ITGAX: variants seen among roughly 807,000 people sequenced by gnomAD.
ITGAX encodes integrin alpha-X.
ITGAX carries 99 observed loss-of-function variants against 140.2 expected under a neutral mutation model. The observed-to-expected ratio is 0.71, with a 90% CI of 0.60 to 0.83. The LOEUF is 0.83. ITGAX is among the 40% of genes least tolerant of loss of function. ITGAX has a pLI of 0.00. For synonymous variants in ITGAX, 631 were observed against 600.4 expected (o/e 1.05, Z -0.75); for missense variants, 1,444 against 1,482.0 (o/e 0.97, Z 0.42).
In ITGAX at chr16:31,357,268, G is replaced by A. The variant is rs760133637; in HGVS notation, c.334G>A (p.Val112Met). Reference protein sequence around the residue: ...PSQLLACGPTVHHECGRNMYL... With the variant: ...PSQLLACGPTMHHECGRNMYL... ...GTGTCCCCAGGCCTGCGGCCCCACC[G>A]TGCACCACGAGTGCGGGAGGAACAT... Residue 112 changes from valine (V) to methionine (M), a missense_variant, in exon 5 of 30, where the codon GTG becomes ATG. Physicochemically the swap from Val to Met is conservative, Grantham distance 21. Transcript: ENST00000268296. 13 of 1,605,832 alleles carry A rather than the reference G, an allele frequency of 8.1e-6. No homozygotes were observed. In the South Asian group the frequency reaches 1.3e-4, roughly 17 times the overall value.
chr16:31,361,500 C>T (rs1041883969), intron 9 of ITGAX: 12 of 674,008 alleles, frequency 1.8e-5, no homozygotes, highest in African/African-American at 1.6e-4. Context: ...CCAGGAGACC[C>T]TTCCACCCAC....
At position 31,371,467 on chromosome 16, in the gene ITGAX, GACAAACGTTCTAAGA is replaced by G; in HGVS notation, c.1978_1992del (p.Lys660_Asn664del). The G allele has an allele frequency of 1.9e-6, 3 of 1,614,096 alleles. No individual in the cohort carries two copies. Among genetic ancestry groups the G allele is most frequent in the Non-Finnish European group, 2.5e-6 (3 of 1,180,000 alleles). Reference sequence around the variant, plus strand: ...ACAGTCCAACATCTGCCTTTACATTGACAAACGTTCTAAGAACCTGCTTGGGAGCCGTGAGTCCCC... The same window carrying G: ...ACAGTCCAACATCTGCCTTTACATTGACCTGCTTGGGAGCCGTGAGTCCCC... On this transcript the variant is annotated inframe_deletion, in exon 16 of 30. Transcript: ENST00000268296.
chr16:31,377,199 G>A lies in ITGAX; in HGVS notation c.2723G>A (p.Arg908Lys), dbSNP rs781336756. Reference sequence around the variant, plus strand: ...TTCTCCAGTGAGAACAACACTCCCAGGACCAGCAAGACCACCTTCCAGCTG... The same window carrying A: ...TTCTCCAGTGAGAACAACACTCCCAAGACCAGCAAGACCACCTTCCAGCTG... ...ANVSSENNTPRTSKTTFQLEL... is the reference protein window; with the variant it reads ...ANVSSENNTPKTSKTTFQLEL... The change falls in exon 23 of 30, where the codon AGG (arginine) becomes AAG (lysine). Residue 908 changes from arginine (R) to lysine (K), a missense_variant. By Grantham distance (26) the Arg-to-Lys change is conservative. Transcript: ENST00000268296. 1 of 1,613,972 alleles carries A rather than the reference G, an allele frequency of 6.2e-7. No individual in the cohort carries two copies.
chr16:31,382,239 T>TTTTTTG lies in ITGAX; in HGVS notation c.*336_*337insTGTTTT. 1 of 1,175,558 alleles carries TTTTTTG rather than the reference T, an allele frequency of 8.5e-7. No homozygotes were observed. Among genetic ancestry groups the TTTTTTG allele is most frequent in the Non-Finnish European group, 1.1e-6 (1 of 921,536 alleles). The allele number at this position is 1,175,558 out of a possible 1,614,324, so 72.8% of individuals were successfully genotyped here. On this transcript the variant is annotated 3_prime_UTR_variant, in exon 30 of 30. Transcript: ENST00000268296. Reference sequence around the variant, plus strand: ...TCTTTCTTTCCTTTCTTTTTTTTTTTTTTTCTTTTCTTTTTTTTTTTTTTG... The same window carrying TTTTTTG: ...TCTTTCTTTCCTTTCTTTTTTTTTTTTTTTTGTTTTCTTTTCTTTTTTTTTTTTTTG...
intron 28 of ITGAX, 27 bp downstream of exon 28, chr16:31,380,651 C>A: frequency 6.2e-7 from 1 of 1,613,390 alleles, no homozygotes; most frequent in Non-Finnish European, 8.5e-7. Flanking sequence ...GGGCAGCGAC[C>A]AGGCTGGAAA....
chr16:31,361,628 A>G (rs955604309), intron 9 of ITGAX: 1 of 730,032 alleles, frequency 1.4e-6, no homozygotes, highest in Non-Finnish European at 2.4e-6. Flanking sequence ...GATGAGGACC[A>G]GATCGGTGCT....
chr16:31,364,061 A>G lies in ITGAX; in HGVS notation c.1710+687A>G, dbSNP rs56809455. Among the ~76,000 whole-genome samples the G allele has an allele frequency of 8.5e-3, 1,288 of 152,252 alleles. 17 individuals carry two copies. Among genetic ancestry groups the G allele is most frequent in the African/African-American group, 0.029 (1,221 of 41,546 alleles). On this transcript the variant is annotated intron_variant, in intron 14 of 29. Coordinates refer to ENST00000268296, the MANE Select transcript of ITGAX (RefSeq NM_000887.5). ...ATCCCTGCAGCCGCCCTCCACCCCA[A>G]GGGAGCAGGGTTCCCTGAGAACGAA...
At chr16:31,359,864 G>A (rs1047037565) in intron 6 of ITGAX, 34 bp downstream of exon 6, 30 of 1,613,832 alleles carry the variant, frequency 1.9e-5, no homozygotes, top group Non-Finnish European at 2.5e-5. Flanking sequence ...TGCTGGGGGT[G>A]GGTGCTTCGA....
chr16:31,371,391 C>T lies in ITGAX; in HGVS notation c.1899C>T (p.Pro633=). 3 of 1,614,202 alleles carry T rather than the reference C, an allele frequency of 1.9e-6. No homozygotes were observed. The highest frequency in any genetic ancestry group is 1.7e-5 in the Admixed American group (1 of 60,022). Residue 633 remains proline (P), a synonymous_variant, in exon 16 of 30, where the codon CCC becomes CCT. Transcript: ENST00000268296. The part of the protein sequence containing the change: ...VSMQFIPAEI[P]RSAFECREQV... ...TGCAGTTCATACCTGCCGAGATCCC[C>T]AGGTCTGCGTTTGAGTGTCGGGAGC... is the stretch of plus-strand genomic sequence containing the variant.
Position 31,380,355 on chromosome 16 carries a change from C to A in ITGAX, c.3150C>A (p.Asn1050Lys). Reference sequence around the variant, plus strand: ...AGCTGGATTTCACCCTGAAGGGCAACCTCAGCTTTGGCTGGGTCCGCCAGG... The same window carrying A: ...AGCTGGATTTCACCCTGAAGGGCAAACTCAGCTTTGGCTGGGTCCGCCAGG... ...QEELDFTLKG[N>K]LSFGWVRQIL... The change falls in exon 27 of 30, where the codon AAC becomes AAA. Residue 1050 changes from asparagine to lysine, a missense_variant. Coordinates refer to ENST00000268296, the MANE Select transcript of ITGAX (RefSeq NM_000887.5). 1 of 1,614,208 alleles carries A rather than the reference C, an allele frequency of 6.2e-7. No individual in the cohort carries two copies. Among genetic ancestry groups the A allele is most frequent in the Non-Finnish European group, 8.5e-7 (1 of 1,180,036 alleles).
Position 31,362,614 on chromosome 16 carries a change from A to G in ITGAX, c.1220A>G (p.Tyr407Cys). The G allele has an allele frequency of 1.9e-6, 3 of 1,609,914 alleles. No homozygotes were observed. Among genetic ancestry groups the G allele is most frequent in the Non-Finnish European group, 2.5e-6 (3 of 1,178,892 alleles). The change falls in exon 12 of 30, where the codon TAC becomes TGC. Residue 407 changes from tyrosine to cysteine, a missense_variant. Transcript: ENST00000268296. ...NVDMRDSYLG[Y>C]STELALWKGV... Reference sequence around the variant, plus strand: ...TGCTGAGGCCTGGGCCCCTCAGGTTACTCCACCGAGCTGGCCCTCTGGAAA... The same window carrying G: ...TGCTGAGGCCTGGGCCCCTCAGGTTGCTCCACCGAGCTGGCCCTCTGGAAA...
Position 31,362,629 on chromosome 16 carries a change from C to T in ITGAX, c.1235C>T (p.Ala412Val), listed in dbSNP as rs1273662609. The change falls in exon 12 of 30, where the codon GCC becomes GTC. Residue 412 changes from alanine to valine, a missense_variant. Ala to Val is a moderately conservative substitution (Grantham distance 64). Coordinates refer to ENST00000268296, the MANE Select transcript of ITGAX (RefSeq NM_000887.5). ...CCCTCAGGTTACTCCACCGAGCTGG[C>T]CCTCTGGAAAGGGGTGCAGAGCCTG... is the stretch of plus-strand genomic sequence containing the variant. ...DSYLGYSTEL[A>V]LWKGVQSLVL... is the part of the protein sequence containing the mutation. The T allele has an allele frequency of 5.1e-5, 83 of 1,612,130 alleles. No individual in the cohort carries two copies. Among genetic ancestry groups the T allele is most frequent in the Non-Finnish European group, 6.9e-5 (81 of 1,179,478 alleles).
At chr16:31,371,932 T>A in intron 17 of ITGAX, 148 bp downstream of exon 17, 1 of 890,130 alleles carries the variant, frequency 1.1e-6, no homozygotes, top group Non-Finnish European at 1.7e-6. Flanking sequence ...CGTTAGCCAG[T>A]GAGTGAGTGA....
At chr16:31,362,543 C>G (rs1477382759) in intron 11 of ITGAX, 68 bp from the exon 12 acceptor site, 1 of 1,406,462 alleles carries the variant, frequency 7.1e-7, no homozygotes, top group Non-Finnish European at 9.3e-7. Flanking sequence ...CTGTGCTGCC[C>G]GGGGTGGGGG....
chr16:31,365,665 G>T (rs1454147136), intron 14 of ITGAX, among the ~76,000 whole-genome samples: 1 of 152,238 alleles, frequency 6.6e-6, no homozygotes, highest in African/African-American at 2.4e-5. Flanking sequence ...GCTCCCGCCT[G>T]TAATCCCAGC....
chr16:31,371,543 C>T (rs779448736), intron 16 of ITGAX, 46 bp downstream of exon 16: 7 of 1,610,016 alleles, frequency 4.3e-6, no homozygotes, highest in South Asian at 1.1e-5. Flanking sequence ...CCTCTGGAGT[C>T]CCCCATCCCA....
At chr16:31,364,477 C>T (rs977956972) in intron 14 of ITGAX, among the ~76,000 whole-genome samples, 5 of 146,578 alleles carry the variant, frequency 3.4e-5, no homozygotes, top group East Asian at 4.0e-4. Flanking sequence ...ATAGGGTAGA[C>T]GTTTCTCCAA....
rs1256512691 is a variant in ITGAX, at chr16:31,371,173, G to A, written c.1800G>A (p.Val600=). Residue 600 remains valine (V), a synonymous_variant, in exon 15 of 30, where the codon GTG becomes GTA. Transcript: ENST00000268296. ...GGQDLTQDGL[V]DLAVGARGQV... is the part of the protein sequence containing the mutation. ...AAGACCTCACCCAGGATGGACTGGT[G>A]GACCTGGCTGTGGGGGCCCGGGGCC... The A allele has an allele frequency of 6.2e-7, 1 of 1,612,696 alleles. No homozygotes were observed. The highest frequency in any genetic ancestry group is 1.3e-5 in the African/African-American group (1 of 74,932).
In ITGAX at chr16:31,359,645, C is replaced by T. The variant is rs543041070; in HGVS notation, c.431-55C>T. 7.5e-5 allele frequency: 119 copies of T among 1,588,578 alleles called. No individual in the cohort carries two copies. In the East Asian group the frequency reaches 9.4e-4, roughly 13 times the overall value. ...GTGAGCTCTTGTGGCCAGGAGGCCACGGTCCTGGACTCCAGGAGTGTCACT... is the reference window on the plus strand; with the variant it reads ...GTGAGCTCTTGTGGCCAGGAGGCCATGGTCCTGGACTCCAGGAGTGTCACT... On this transcript the variant is annotated intron_variant, in intron 5 of 29. Coordinates refer to ENST00000268296, the MANE Select transcript of ITGAX (RefSeq NM_000887.5).
Sources: allele counts gnomAD v4.1 joint callset (sites outside exome capture counted in the v4.1 genomes callset), GRCh38; gene constraint gnomAD v4.1.1; transcripts MANE v1.5; gene names NCBI Gene and HGNC (gene_info 2026-07-23, HGNC 2026-07-21).